The following STK10 variants were observed in gnomAD, a reference collection of about 807,000 sequenced individuals.
STK10 encodes serine/threonine-protein kinase 10.
In STK10, 78 loss-of-function variants were observed where a neutral mutation model predicts 113.8. The ratio of observed to expected loss-of-function variants is 0.69; its 90% CI spans 0.57 to 0.83. The LOEUF is 0.83. Ranked by LOEUF, STK10 falls within the 40% of genes least tolerant of loss-of-function variation. The pLI is 0.00. For missense variants in STK10, 1,109 were observed against 1,280.1 expected (o/e 0.87, Z 2.04); for synonymous variants, 465 against 494.7 (o/e 0.94, Z 0.80).
intron 2 of STK10, among the ~76,000 whole-genome samples, chr5:172,129,424 G>A (rs540783182): frequency 1.3e-5 from 2 of 152,140 alleles, no homozygotes; most frequent in African/African-American, 4.8e-5. Flanking sequence ...CAACGGGCCT[G>A]ACCTCAGCTT....
intron 12 of STK10, among the ~76,000 whole-genome samples, chr5:172,067,488 A>G (rs968925140): frequency 6.6e-6 from 1 of 152,054 alleles, no homozygotes; most frequent in Admixed American, 6.5e-5. Context: ...TTTCAAAGAA[A>G]AAGGCAATCA....
chr5:172,044,804 CT>C lies in STK10; in HGVS notation c.*77del. On this transcript the variant is annotated 3_prime_UTR_variant, in exon 19 of 19. Coordinates refer to ENST00000176763, the MANE Select transcript of STK10 (RefSeq NM_005990.4). This position sits in a 1 kb window ranked among gnomAD's most constrained non-coding sequence, Gnocchi z 4.5. Reference sequence around the variant, plus strand: ...ACAGACGCAAGAGGGAAAAGGGGTCCTGAGTTACATGTTCACAGAGAATGAA... The same window carrying C: ...ACAGACGCAAGAGGGAAAAGGGGTCCGAGTTACATGTTCACAGAGAATGAA... 6.2e-7 allele frequency: 1 copy of C among 1,608,884 alleles called. No individual in the cohort carries two copies. The highest frequency in any genetic ancestry group is 8.5e-7 in the Non-Finnish European group (1 of 1,177,994).
intron 1 of STK10, among the ~76,000 whole-genome samples, chr5:172,169,691 C>A (rs1312396533): frequency 6.6e-6 from 1 of 152,196 alleles, no homozygotes. Flanking sequence ...TGAGCCCACC[C>A]TTGCTGGGTT....
intron 2 of STK10, among the ~76,000 whole-genome samples, chr5:172,136,620 ATAAAG>A (rs1475658175): frequency 2.0e-5 from 3 of 152,172 alleles, no homozygotes; most frequent in African/African-American, 4.8e-5. Flanking sequence ...AAATAAATAA[ATAAAG>A]TAAAGAAGTG....
chr5:172,095,262 C>T (rs1181155436), intron 8 of STK10, among the ~76,000 whole-genome samples: 2 of 152,226 alleles, frequency 1.3e-5, no homozygotes, highest in Non-Finnish European at 2.9e-5. Context: ...AGAGTGATGG[C>T]TCAAAAACGC....
In STK10 at chr5:172,042,988, T is replaced by C. The variant is rs1360616194; in HGVS notation, c.*1894A>G. Reference sequence around the variant, plus strand: ...CTTAACCTAGCTGGGTGCAGTAGCATGTATCTGTCGTCCCAGCTACTCAAG... The same window carrying C: ...CTTAACCTAGCTGGGTGCAGTAGCACGTATCTGTCGTCCCAGCTACTCAAG... On this transcript the variant is annotated 3_prime_UTR_variant, in exon 19 of 19. Transcript: ENST00000176763. 6.6e-6 allele frequency: 1 copy of C among 152,158 alleles called. No individual in the cohort carries two copies. The highest frequency in any genetic ancestry group is 1.5e-5 in the Non-Finnish European group (1 of 68,044). The allele number at this position is 152,158 out of a possible 1,614,324, so 9.4% of individuals were successfully genotyped here. A position where few individuals can be genotyped will look rare whatever the true frequency, so the allele number is the denominator to read the frequency against.
At chr5:172,160,866 C>G (rs1356902779) in intron 1 of STK10, among the ~76,000 whole-genome samples, 1 of 152,138 alleles carries the variant, frequency 6.6e-6, no homozygotes, top group Non-Finnish European at 1.5e-5. Context: ...GCATCAGGAT[C>G]CTCTAACGTC....
chr5:172,186,570 C>G (rs993669079), intron 1 of STK10, among the ~76,000 whole-genome samples: 3 of 151,668 alleles, frequency 2.0e-5, no homozygotes, highest in Non-Finnish European at 4.4e-5. Flanking sequence ...TGCAGTGAGC[C>G]GAGATCGGGC....
intron 5 of STK10, among the ~76,000 whole-genome samples, chr5:172,107,538 C>T (rs1288808968): frequency 6.6e-6 from 1 of 152,168 alleles, no homozygotes; most frequent in Non-Finnish European, 1.5e-5. Flanking sequence ...CTATGTGCAC[C>T]ATTTCATTTC....
chr5:172,058,101 C>T (rs745693882), intron 14 of STK10, among the ~76,000 whole-genome samples: 4 of 152,122 alleles, frequency 2.6e-5, no homozygotes, highest in Admixed American at 6.6e-5. Context: ...GCACAGCACC[C>T]GGGTGGGGAC....
chr5:172,106,972 C>T, intron 5 of STK10, 158 bp from the exon 6 acceptor site: 3 of 666,266 alleles, frequency 4.5e-6, no homozygotes, highest in Admixed American at 6.8e-5. Context: ...TTCCTTAGGA[C>T]GCTCTTCCAC....
In STK10 at chr5:172,082,078, G is replaced by A. The variant is rs1244898760; in HGVS notation, c.1989+248C>T. 1.3e-5 allele frequency among the ~76,000 whole-genome samples: 2 copies of A among 152,092 alleles called. No homozygotes were observed. Among genetic ancestry groups the A allele is most frequent in the African/African-American group, 4.8e-5 (2 of 41,422 alleles). ...GTTGCTAAGCTGGGAGGATGTAAAG[G>A]AAGCTGCCTGAGGCCACAGGGTGAG... On this transcript the variant is annotated intron_variant, in intron 12 of 18. Coordinates refer to ENST00000176763, the MANE Select transcript of STK10 (RefSeq NM_005990.4). This position sits in a 1 kb window ranked among gnomAD's most constrained non-coding sequence, Gnocchi z 4.3.
At chr5:172,152,402 A>G (rs1037159292) in intron 2 of STK10, among the ~76,000 whole-genome samples, 9 of 152,222 alleles carry the variant, frequency 5.9e-5, no homozygotes, top group Non-Finnish European at 1.0e-4. Flanking sequence ...AGATTTGCCC[A>G]GAGACCAAAA....
chr5:172,066,423 G>A (rs1279139075), intron 12 of STK10, among the ~76,000 whole-genome samples: 2 of 152,050 alleles, frequency 1.3e-5, no homozygotes, highest in Non-Finnish European at 2.9e-5. Context: ...AAGAAACCTT[G>A]TGTTTCTGGC....
chr5:172,148,582 T>G (rs927053423), intron 2 of STK10, among the ~76,000 whole-genome samples: 1 of 152,200 alleles, frequency 6.6e-6, no homozygotes, highest in Non-Finnish European at 1.5e-5. Flanking sequence ...CGCACCCGGG[T>G]CACTGCCCAA....
At chr5:172,114,469 A>ATTTTTTTTTTT (rs1561813222) in intron 4 of STK10, 2 of 36,192 alleles carry the variant, frequency 5.5e-5, no homozygotes, top group Non-Finnish European at 1.0e-4. Flanking sequence ...ATATATATAT[A>ATTTTTTTTTTT]TATATTTTTT....
chr5:172,175,216 T>C (rs1225147809), intron 1 of STK10, among the ~76,000 whole-genome samples: 1 of 152,104 alleles, frequency 6.6e-6, no homozygotes, highest in Non-Finnish European at 1.5e-5. Flanking sequence ...GGAGTCTTCC[T>C]ATGTTTCCTA....
intron 18 of STK10, among the ~76,000 whole-genome samples, chr5:172,051,248 T>C (rs1302459401): frequency 2.0e-5 from 3 of 152,116 alleles, no homozygotes; most frequent in Non-Finnish European, 4.4e-5. Context: ...TTAAAAAAAA[T>C]TATATCTCCA....
chr5:172,166,345 G>A (rs1412972602), intron 1 of STK10, among the ~76,000 whole-genome samples: 5 of 152,272 alleles, frequency 3.3e-5, no homozygotes, highest in East Asian at 1.9e-4. Flanking sequence ...TACATGAGCC[G>A]ATAAATTCCC....
Sources: gnomAD v4.1 joint callset for allele counts (sites outside exome capture counted in the v4.1 genomes callset) on GRCh38, gnomAD v4.1.1 for gene constraint, Gnocchi (gnomAD v3.1) non-coding constraint, MANE v1.5 for transcripts, NCBI Gene and HGNC (gene_info 2026-07-23, HGNC 2026-07-21) for gene names.